UGT1A9: variants seen among roughly 807,000 people sequenced by gnomAD.
The protein encoded by UGT1A9 is UDP-glucuronosyltransferase 1A9.
Under a neutral mutation model 45.0 loss-of-function variants are expected in UGT1A9, and 35 were observed. The observed-to-expected ratio is 0.78, with a 90% CI of 0.59 to 1.03. The LOEUF (loss-of-function observed/expected upper bound fraction) is 1.03, where lower values mean the gene tolerates loss of function less well. UGT1A9 is among the 50% of genes least tolerant of loss of function. The pLI is 0.00. For synonymous variants in UGT1A9, 278 were observed against 250.6 expected, an observed-to-expected ratio of 1.11 and a Z score of -1.03; for missense variants, 687 against 666.6, an observed-to-expected ratio of 1.03 and a Z score of -0.34.
chr2:233,755,278 G>T, intron 1 of UGT1A9: 4 of 710,378 alleles, frequency 5.6e-6, no homozygotes, highest in Non-Finnish European at 8.6e-6. Flanking sequence ...ATGCTGGACT[G>T]CCAAAGAGCC....
chr2:233,703,167 A>G (rs888972017), intron 1 of UGT1A9, among the ~76,000 whole-genome samples: 40 of 152,060 alleles, frequency 2.6e-4, no homozygotes, highest in African/African-American at 9.2e-4. Context: ...TCTTGATTCA[A>G]TTTCAGTAGT....
intron 1 of UGT1A9, chr2:233,730,084 A>T: frequency 6.2e-7 from 1 of 1,601,106 alleles, no homozygotes. Flanking sequence ...ATATTTACTT[A>T]TCTTTCCAAA....
At chr2:233,694,775 G>A (rs2075240400) in intron 1 of UGT1A9, among the ~76,000 whole-genome samples, 1 of 152,170 alleles carries the variant, frequency 6.6e-6, no homozygotes, top group Admixed American at 6.5e-5. Context: ...CAAGGGTGAG[G>A]GGATGGGGAT....
At chr2:233,763,225 G>A (rs537625266) in intron 1 of UGT1A9, among the ~76,000 whole-genome samples, 20 of 152,258 alleles carry the variant, frequency 1.3e-4, no homozygotes, top group African/African-American at 4.3e-4. Context: ...GTGAAAATAT[G>A]TTTTTAAATT....
At chr2:233,724,723 C>T (rs1313169772) in intron 1 of UGT1A9, among the ~76,000 whole-genome samples, 1 of 144,588 alleles carries the variant, frequency 6.9e-6, no homozygotes, top group African/African-American at 2.6e-5. Flanking sequence ...GACTGGGCAG[C>T]CAGGCAGAGG....
At chr2:233,772,118 A>G (rs186997429) in intron 4 of UGT1A9, 144 bp from the exon 5 acceptor site, 177 of 1,520,864 alleles carry the variant, frequency 1.2e-4, no homozygotes, top group Non-Finnish European at 1.4e-4. Flanking sequence ...GTATCTAAAA[A>G]CAACAACAAC....
chr2:233,687,382 A>T (rs951663704), intron 1 of UGT1A9, among the ~76,000 whole-genome samples: 1 of 152,126 alleles, frequency 6.6e-6, no homozygotes, highest in African/African-American at 2.4e-5. Context: ...AGAATTTGCA[A>T]ATTAAATATA....
chr2:233,713,730 G>C, intron 1 of UGT1A9: 1 of 1,613,910 alleles, frequency 6.2e-7, no homozygotes, highest in South Asian at 1.1e-5. Flanking sequence ...GTCAGTGGTG[G>C]ATCTTGTCAG....
intron 1 of UGT1A9, among the ~76,000 whole-genome samples, chr2:233,757,931 A>G (rs552433381): frequency 6.6e-6 from 1 of 152,244 alleles, no homozygotes; most frequent in East Asian, 1.9e-4. Flanking sequence ...CCCCCAAAGC[A>G]AGACCATCAT....
intron 1 of UGT1A9, chr2:233,721,701 C>T: frequency 2.8e-6 from 1 of 362,480 alleles, no homozygotes; most frequent in Non-Finnish European, 5.5e-6. Flanking sequence ...ACGCATGGCT[C>T]ATCTTGGATG....
At chr2:233,693,962 T>A in intron 1 of UGT1A9, 2 of 1,580,092 alleles carry the variant, frequency 1.3e-6, no homozygotes, top group Non-Finnish European at 8.6e-7. Flanking sequence ...CTTGGAGGAT[T>A]TCCTGGAGAA....
chr2:233,760,562 T>C (rs1218423176), intron 1 of UGT1A9: 6 of 1,614,228 alleles, frequency 3.7e-6, no homozygotes, highest in East Asian at 2.2e-5. Flanking sequence ...AAAGAGTCTT[T>C]TGTTAGTCTC....
At chr2:233,730,096 A>G in intron 1 of UGT1A9, 1 of 1,590,372 alleles carries the variant, frequency 6.3e-7, no homozygotes, top group Non-Finnish European at 8.6e-7. Flanking sequence ...CTTTCCAAAT[A>G]TTTCATTTCT....
At position 233,724,363 on chromosome 2, in the gene UGT1A9, CG is replaced by C. The variant is rs1443552589; in HGVS notation, c.856-42667del. On this transcript the variant is annotated intron_variant, in intron 1 of 4. Transcript: ENST00000354728. Reference sequence around the variant, plus strand: ...TGACCCCCCCCACCTCCCTCCCGGACGGGGTGGCTGCCGGGCGGAGACGCTC... The same window carrying C: ...TGACCCCCCCCACCTCCCTCCCGGACGGGTGGCTGCCGGGCGGAGACGCTC... Among the ~76,000 whole-genome samples the C allele has an allele frequency of 1.2e-4, 16 of 136,858 alleles. 1 individual carries two copies. The highest frequency in any genetic ancestry group is 2.1e-4 in the Non-Finnish European group (13 of 62,642). 89.8% of individuals were successfully genotyped at this position (136,858 alleles called of 152,430 possible). A position where few individuals can be genotyped will look rare whatever the true frequency, so the allele number is the denominator to read the frequency against.
At chr2:233,737,569 A>C (rs1156653495) in intron 1 of UGT1A9, among the ~76,000 whole-genome samples, 3 of 152,164 alleles carry the variant, frequency 2.0e-5, no homozygotes, top group African/African-American at 7.2e-5. Context: ...TGCACCCACT[A>C]TCCAACCAGT....
In UGT1A9 at chr2:233,729,557, C is replaced by T. The variant is rs13406898; in HGVS notation, c.856-37477C>T. On this transcript the variant is annotated intron_variant, in intron 1 of 4. Transcript: ENST00000354728. ...GCCCTGATCAGGCACCTGAATGCTA[C>T]TTCCTTTGATGTGGTTTTAACAGAC... is the stretch of plus-strand genomic sequence containing the variant. The T allele has an allele frequency of 1.3e-3, 2,173 of 1,614,146 alleles. 29 individuals carry two copies. The African/African-American group carries it at 0.026, about 19-fold the overall frequency.
At chr2:233,741,857 T>C (rs1691796983) in intron 1 of UGT1A9, 1 of 151,956 alleles carries the variant, frequency 6.6e-6, no homozygotes, top group Non-Finnish European at 1.5e-5. Flanking sequence ...TCATGCCTTA[T>C]GCAAACCTTT....
chr2:233,743,966 G>A, intron 1 of UGT1A9: 1 of 1,328,722 alleles, frequency 7.5e-7, no homozygotes, highest in Non-Finnish European at 1.0e-6. Flanking sequence ...GAGCGGCAAG[G>A]CTGCCAGCAC....
At chr2:233,757,679 A>C (rs1462473576) in intron 1 of UGT1A9, among the ~76,000 whole-genome samples, 1 of 151,534 alleles carries the variant, frequency 6.6e-6, no homozygotes, top group African/African-American at 2.4e-5. Context: ...CAAGGAATTC[A>C]AGGGATTCAA....
Sources: gnomAD v4.1 joint callset for allele counts (sites outside exome capture counted in the v4.1 genomes callset) on GRCh38, gnomAD v4.1.1 for gene constraint, MANE v1.5 for transcripts, NCBI Gene and HGNC (gene_info 2026-07-23, HGNC 2026-07-21) for gene names.